NUP155: variants seen among roughly 807,000 people sequenced by gnomAD.
NUP155 encodes the protein nucleoporin 155, also known as nuclear pore complex protein Nup155.
NUP155 carries 71 observed loss-of-function variants against 180.4 expected under a neutral mutation model. The observed-to-expected ratio is 0.39, with a 90% CI of 0.33 to 0.48. NUP155 has a LOEUF of 0.48. Ranked by LOEUF, NUP155 falls within the 20% of genes least tolerant of loss-of-function variation. NUP155 has a pLI of 0.91. For synonymous variants in NUP155, 582 were observed against 559.5 expected, an observed-to-expected ratio of 1.04 and a Z score of -0.57; for missense variants, 1,553 against 1,648.9, an observed-to-expected ratio of 0.94 and a Z score of 1.01.
At chr5:37,299,783 C>A (rs1742768115) in intron 30 of NUP155, among the ~76,000 whole-genome samples, 1 of 151,804 alleles carries the variant, frequency 6.6e-6, no homozygotes, top group Admixed American at 6.6e-5. Flanking sequence ...GCCTGTAATC[C>A]CAGCACTTTA....
At position 37,314,539 on chromosome 5, in the gene NUP155, T is replaced by C. The variant is rs540446315; in HGVS notation, c.2306-211A>G. Among the ~76,000 whole-genome samples, 10 of 152,302 alleles carry C rather than the reference T, an allele frequency of 6.6e-5. No individual in the cohort carries two copies. In the South Asian group the frequency reaches 1.2e-3, roughly 19 times the overall value. On this transcript the variant is annotated intron_variant, in intron 21 of 34. Coordinates refer to ENST00000231498, the MANE Select transcript of NUP155 (RefSeq NM_153485.3). ...TGTTTGTGTAGGTACACATAAACCA[T>C]GAAAATATTGCTGTGTGGCTGGGCG...
chr5:37,336,844 C>G (rs1745357533), intron 12 of NUP155, among the ~76,000 whole-genome samples: 1 of 152,202 alleles, frequency 6.6e-6, no homozygotes, highest in Admixed American at 6.5e-5. Flanking sequence ...ACTCCTCCCA[C>G]TTACACACAC....
chr5:37,299,602 T>C, intron 30 of NUP155, 34 bp from the exon 31 acceptor site: 2 of 1,608,336 alleles, frequency 1.2e-6, no homozygotes, highest in South Asian at 1.1e-5. Context: ...AACATCCAAC[T>C]AGAGATCAAC....
chr5:37,309,248 C>A lies in NUP155; in HGVS notation c.2648G>T (p.Arg883Leu). The change falls in exon 24 of 35, where the codon CGT (arginine) becomes CTT (leucine). Residue 883 changes from arginine (R) to leucine (L), a missense_variant. Transcript: ENST00000231498. ...AGTCTTATTTTGAACTTGTCGGGAA[C>A]GCTGGAGAAGCTCATTTGCCTAGAA... is the stretch of plus-strand genomic sequence containing the variant. ...ICSKANELLQ[R>L]SRQVQNKTEK... The A allele has an allele frequency of 6.2e-7, 1 of 1,611,116 alleles. No individual in the cohort carries two copies. Among genetic ancestry groups the A allele is most frequent in the African/African-American group, 1.3e-5 (1 of 74,822 alleles).
In NUP155 at chr5:37,310,646, T is replaced by C. The variant is rs1165248495; in HGVS notation, c.2534A>G (p.Tyr845Cys). ...ATCAACAGCGGCATTATCTCTGATG[T>C]AGCAGTTGATAAGAGAAGCAATTAA... ...GALIASLINC[Y>C]IRDNAAVDGI... Residue 845 changes from tyrosine (Y) to cysteine (C), a missense_variant, in exon 23 of 35, where the codon TAC becomes TGC. Coordinates refer to ENST00000231498, the MANE Select transcript of NUP155 (RefSeq NM_153485.3). The C allele has an allele frequency of 1.9e-6, 3 of 1,613,320 alleles. No individual in the cohort carries two copies. Among genetic ancestry groups the C allele is most frequent in the South Asian group, 1.1e-5 (1 of 91,076 alleles).
intron 16 of NUP155, 150 bp downstream of exon 16, chr5:37,329,040 C>T: frequency 1.5e-6 from 1 of 660,004 alleles, no homozygotes; most frequent in Non-Finnish European, 2.7e-6. Flanking sequence ...TAATAGATCA[C>T]TTTTAAGAAT....
In NUP155 at chr5:37,352,845, C is replaced by G. The variant is rs780543906; in HGVS notation, c.464-16G>C. On this transcript the variant is annotated splice_polypyrimidine_tract_variant and intron_variant, in intron 4 of 34. Coordinates refer to ENST00000231498, the MANE Select transcript of NUP155 (RefSeq NM_153485.3). ...TGAAAGATGCCTAAGATAAAGTAGA[C>G]ACAGGGCAGGAATACTTTCAGCATT... 5.1e-6 allele frequency: 8 copies of G among 1,576,832 alleles called. No individual in the cohort carries two copies. In the Admixed American group the frequency reaches 1.3e-4, roughly 26 times the overall value.
chr5:37,317,504 T>C lies in NUP155; in HGVS notation c.2305+484A>G, dbSNP rs977199446. ...ACTCTGTCTCAGAAACATAAACAAA[T>C]AAAAAGTAAAAATGGTAAATTTTAT... is the stretch of plus-strand genomic sequence containing the variant. On this transcript the variant is annotated intron_variant, in intron 21 of 34. Transcript: ENST00000231498. Among the ~76,000 whole-genome samples, 7 of 151,010 alleles carry C rather than the reference T, an allele frequency of 4.6e-5. No individual in the cohort carries two copies. The East Asian group carries it at 1.4e-3, about 30-fold the overall frequency.
chr5:37,371,077 C>T lies in NUP155; in HGVS notation c.-100G>A. On this transcript the variant is annotated 5_prime_UTR_variant, in exon 1 of 35. Transcript: ENST00000231498. ...GCTTAGATCCGCCGCCTAGGGCGCG[C>T]GCGCCAAACGAGCGCCTTGGCGCCT... The T allele has an allele frequency of 1.5e-6, 2 of 1,296,302 alleles. No homozygotes were observed. Among genetic ancestry groups the T allele is most frequent in the Non-Finnish European group, 1.1e-6 (1 of 923,806 alleles). The allele number at this position is 1,296,302 out of a possible 1,614,324, so 80.3% of individuals were successfully genotyped here. A position where few individuals can be genotyped will look rare whatever the true frequency, so the allele number is the denominator to read the frequency against.
intron 34 of NUP155, 54 bp downstream of exon 34, chr5:37,292,825 T>G: frequency 1.8e-6 from 2 of 1,134,268 alleles, no homozygotes; most frequent in Non-Finnish European, 2.7e-6. Flanking sequence ...TACCCAGGTA[T>G]TTATTAGAAG....
intron 2 of NUP155, 31 bp from the exon 3 acceptor site, chr5:37,364,015 G>C: frequency 6.7e-7 from 1 of 1,488,838 alleles, no homozygotes; most frequent in Non-Finnish European, 9.4e-7. Context: ...GGCAGACAGA[G>C]GTGAATCTTA....
intron 3 of NUP155, among the ~76,000 whole-genome samples, chr5:37,359,157 C>CT (rs1236075284): frequency 6.7e-6 from 1 of 148,182 alleles, no homozygotes; most frequent in African/African-American, 2.5e-5. Context: ...ATATATATAA[C>CT]TTTTTCATTT....
chr5:37,329,460 G>A (rs886399227), intron 15 of NUP155, among the ~76,000 whole-genome samples, 182 bp from the exon 16 acceptor site: 49 of 152,174 alleles, frequency 3.2e-4, no homozygotes, highest in African/African-American at 1.2e-3. Context: ...TTCAGTAAAT[G>A]TGGACTTGAA....
Position 37,342,606 on chromosome 5 carries a change from C to T in NUP155, c.1036G>A (p.Ala346Thr), listed in dbSNP as rs1458478515. ...RSVFKPIVQI[A>T]VIENSESLDC... ...AGTGATTCAGAATTTTCAATCACTGCTATTTGGACAATTGGTTTAAAAACA... is the reference window on the plus strand; with the variant it reads ...AGTGATTCAGAATTTTCAATCACTGTTATTTGGACAATTGGTTTAAAAACA... The change falls in exon 10 of 35, where the codon GCA becomes ACA. Residue 346 changes from alanine to threonine, a missense_variant. Physicochemically the swap from Ala to Thr is moderately conservative, Grantham distance 58. Transcript: ENST00000231498. 6.2e-7 allele frequency: 1 copy of T among 1,613,152 alleles called. No homozygotes were observed. The highest frequency in any genetic ancestry group is 8.5e-7 in the Non-Finnish European group (1 of 1,179,234).
chr5:37,346,687 AGAG>A (rs1746113853), intron 9 of NUP155, among the ~76,000 whole-genome samples: 1 of 151,296 alleles, frequency 6.6e-6, no homozygotes, highest in African/African-American at 2.4e-5. Flanking sequence ...CAAAAAAAAA[AGAG>A]AGAGAGAGCG....
chr5:37,370,522 A>T lies in NUP155; in HGVS notation c.157+299T>A. On this transcript the variant is annotated intron_variant, in intron 1 of 34. Coordinates refer to ENST00000231498, the MANE Select transcript of NUP155 (RefSeq NM_153485.3). ...ACTTGGATCTGGAGATGCTTCTCAT[A>T]TGGCCTTAGCCATAAGCACTTGAGA... 6.4e-6 allele frequency: 4 copies of T among 625,968 alleles called. No individual in the cohort carries two copies. In the South Asian group the frequency reaches 8.1e-5, roughly 13 times the overall value. The allele number at this position is 625,968 out of a possible 1,614,324, so 38.8% of individuals were successfully genotyped here. A position where few individuals can be genotyped will look rare whatever the true frequency, so the allele number is the denominator to read the frequency against.
intron 19 of NUP155, among the ~76,000 whole-genome samples, chr5:37,325,278 G>A (rs1282052190): frequency 2.6e-5 from 4 of 152,090 alleles, no homozygotes; most frequent in Admixed American, 2.6e-4. Flanking sequence ...TAAAATTTGA[G>A]CAATATTAAG....
rs2272601 is a variant in NUP155, at chr5:37,318,272, T to C, written c.2208-187A>G. ...CAGACTAAACAGATGCTACTTAAAA[T>C]GACTGAGATTAAATCAATTAAATGA... On this transcript the variant is annotated intron_variant, in intron 20 of 34. Transcript: ENST00000231498. Among the ~76,000 whole-genome samples, 24,252 of 151,876 alleles carry C rather than the reference T, an allele frequency of 0.16. 1,982 individuals carry two copies. The highest frequency in any genetic ancestry group is 0.2 in the South Asian group (960 of 4,816).
chr5:37,351,453 T>C, intron 5 of NUP155, 97 bp from the exon 6 acceptor site: 2 of 385,838 alleles, frequency 5.2e-6, no homozygotes, highest in Admixed American at 4.5e-5. Context: ...TACTCAATTC[T>C]TTTTTTTTTT....
Sources: allele counts gnomAD v4.1 joint callset (sites outside exome capture counted in the v4.1 genomes callset), GRCh38; gene constraint gnomAD v4.1.1; transcripts MANE v1.5; gene names NCBI Gene and HGNC (gene_info 2026-07-23, HGNC 2026-07-21).